Variants in MRPS21 observed in about 807,000 individuals in gnomAD.
MRPS21 encodes the protein mitochondrial ribosomal protein S21, also known as small ribosomal subunit protein bS21m.
MRPS21 carries 8 observed loss-of-function variants against 9.9 expected under a neutral mutation model. The observed-to-expected ratio is 0.81, with a 90% CI of 0.47 to 1.45. The LOEUF is 1.45. Among genes scored for constraint, MRPS21 ranks in the 40% most tolerant of loss-of-function variants. MRPS21 has a pLI of 0.00. For missense variants in MRPS21, 101 were observed against 118.9 expected, an observed-to-expected ratio of 0.85 and a Z score of 0.70; for synonymous variants, 40 against 40.3, an observed-to-expected ratio of 0.99 and a Z score of 0.03.
In MRPS21 at chr1:150,294,423, G is replaced by A. The variant is rs782530845; in HGVS notation, c.57G>A (p.Val19=). ...ARTVMVQEGN[V]ESAYRTLNRI... ...CTGTGATGGTACAGGAAGGGAACGTGGAAAGCGCATACAGGACCCTAAACA... is the reference window on the plus strand; with the variant it reads ...CTGTGATGGTACAGGAAGGGAACGTAGAAAGCGCATACAGGACCCTAAACA... Residue 19 remains valine, a synonymous_variant, in exon 2 of 3, where the codon GTG becomes GTA. Coordinates refer to ENST00000614145, the MANE Select transcript of MRPS21 (RefSeq NM_031901.6). 3.1e-6 allele frequency: 5 copies of A among 1,613,616 alleles called. No homozygotes were observed. The African/African-American group carries it at 4.0e-5, about 13-fold the overall frequency.
intron 2 of MRPS21, among the ~76,000 whole-genome samples, chr1:150,296,046 G>C (rs782457387): frequency 2.7e-4 from 41 of 151,652 alleles, no homozygotes; most frequent in Non-Finnish European, 5.9e-5. Context: ...CCGCCTCCTG[G>C]GTTCAATTGA....
chr1:150,303,821 A>G (rs1365594675), intron 2 of MRPS21: 2 of 450,490 alleles, frequency 4.4e-6, no homozygotes, highest in African/African-American at 2.0e-5. Flanking sequence ...AACTGTATAT[A>G]TTGTAAGGTC....
In MRPS21 at chr1:150,308,438, C is replaced by G; in HGVS notation, c.*210C>G. 2.1e-6 allele frequency: 1 copy of G among 476,240 alleles called. No individual in the cohort carries two copies. Among genetic ancestry groups the G allele is most frequent in the South Asian group, 4.1e-5 (1 of 24,344 alleles). The allele number at this position is 476,240 out of a possible 1,614,324, so 29.5% of individuals were successfully genotyped here. A position where few individuals can be genotyped will look rare whatever the true frequency, so the allele number is the denominator to read the frequency against. On this transcript the variant is annotated 3_prime_UTR_variant, in exon 3 of 3. Coordinates refer to ENST00000614145, the MANE Select transcript of MRPS21 (RefSeq NM_031901.6). ...AAAGAAGAAACTGAGTCTGAAAGTA[C>G]TCTAGGAGTAGAATGGTATTTGCCA...
chr1:150,308,508 C>A lies in MRPS21; in HGVS notation c.*280C>A. On this transcript the variant is annotated 3_prime_UTR_variant, in exon 3 of 3. Coordinates refer to ENST00000614145, the MANE Select transcript of MRPS21 (RefSeq NM_031901.6). ...GTGAGGAGTTATTGTTTAATGGGTA[C>A]AGAGTTTCAGTTTGGGCAGATGAAA... 3.9e-6 allele frequency: 1 copy of A among 253,334 alleles called. No individual in the cohort carries two copies. The highest frequency in any genetic ancestry group is 7.6e-6 in the Non-Finnish European group (1 of 130,846). 15.7% of individuals were successfully genotyped at this position (253,334 alleles called of 1,614,324 possible). A position where few individuals can be genotyped will look rare whatever the true frequency, so the allele number is the denominator to read the frequency against.
chr1:150,296,100 C>T (rs181240438), intron 2 of MRPS21, among the ~76,000 whole-genome samples: 1 of 152,138 alleles, frequency 6.6e-6, no homozygotes, highest in Non-Finnish European at 1.5e-5. Context: ...TACAGGTGCC[C>T]ACCACCACGC....
At chr1:150,300,036 T>C (rs916058638) in intron 2 of MRPS21, among the ~76,000 whole-genome samples, 7 of 152,132 alleles carry the variant, frequency 4.6e-5, no homozygotes, top group Admixed American at 2.0e-4. Flanking sequence ...GATTGAAAAT[T>C]ATTATAATAG....
intron 2 of MRPS21, among the ~76,000 whole-genome samples, chr1:150,297,161 C>G (rs1301684847): frequency 2.0e-5 from 3 of 151,968 alleles, no homozygotes; most frequent in African/African-American, 4.8e-5. Context: ...CGTGGTGGCA[C>G]ACACCTGTAG....
At chr1:150,294,000 CCCCAACT>C in intron 1 of MRPS21, 102 bp downstream of exon 1, 2 of 252,372 alleles carry the variant, frequency 7.9e-6, no homozygotes, top group South Asian at 9.0e-5. Flanking sequence ...AAGAGTCCTT[CCCCAACT>C]CCCAACTCAA....
At chr1:150,303,079 G>T (rs1553857927) in intron 2 of MRPS21, among the ~76,000 whole-genome samples, 1 of 152,062 alleles carries the variant, frequency 6.6e-6, no homozygotes, top group Non-Finnish European at 1.5e-5. Flanking sequence ...TTGGTAAGAT[G>T]ATCACCTTTG....
intron 2 of MRPS21, 40 bp downstream of exon 2, chr1:150,294,489 G>C: frequency 1.3e-6 from 2 of 1,529,504 alleles, no homozygotes; most frequent in South Asian, 1.1e-5. Context: ...AGACTCTCTG[G>C]GAAGTGCGGT....
intron 2 of MRPS21, among the ~76,000 whole-genome samples, chr1:150,294,978 C>CTTTTAA (rs1560060871): frequency 6.7e-6 from 1 of 150,354 alleles, no homozygotes; most frequent in South Asian, 2.1e-4. Flanking sequence ...CACCTCCCCG[C>CTTTTAA]TTTTAATTTT....
chr1:150,294,108 T>C, intron 1 of MRPS21: 1 of 402,798 alleles, frequency 2.5e-6, no homozygotes, highest in Non-Finnish European at 4.7e-6. Context: ...GTCTTTGTGG[T>C]AACGCCCTGC....
At chr1:150,295,617 T>C (rs918573046) in intron 2 of MRPS21, among the ~76,000 whole-genome samples, 6 of 152,088 alleles carry the variant, frequency 3.9e-5, no homozygotes, top group Non-Finnish European at 8.8e-5. Context: ...TGAATTCAGA[T>C]TGGCATCCTA....
chr1:150,293,905 A>G lies in MRPS21; in HGVS notation c.-33+7A>G. 1 of 174,086 alleles carries G rather than the reference A, an allele frequency of 5.7e-6. No individual in the cohort carries two copies. The allele number at this position is 174,086 out of a possible 1,614,324, so 10.8% of individuals were successfully genotyped here. A position where few individuals can be genotyped will look rare whatever the true frequency, so the allele number is the denominator to read the frequency against. On this transcript the variant is annotated splice_region_variant and intron_variant, in intron 1 of 2. Transcript: ENST00000614145. ...TAGGTACTGAGCGCGCGAGGTGAGG[A>G]GTTGTGCAGGGTTTGGGGAAAGGAA... is the stretch of plus-strand genomic sequence containing the variant.
intron 2 of MRPS21, among the ~76,000 whole-genome samples, chr1:150,300,922 G>A (rs1654093117): frequency 6.6e-6 from 1 of 152,088 alleles, no homozygotes; most frequent in Non-Finnish European, 1.5e-5. Context: ...ATTTGGCCAG[G>A]CGCGGTGGCT....
chr1:150,298,335 T>TC (rs1346113615), intron 2 of MRPS21, among the ~76,000 whole-genome samples: 2 of 152,206 alleles, frequency 1.3e-5, no homozygotes, highest in African/African-American at 4.8e-5. Context: ...GTAACTTCAC[T>TC]CTTTTTTTCT....
rs1223232169 is a variant in MRPS21 at position 150,308,270 on chromosome 1, TTTC to T, written c.*44_*46del. 6.4e-7 allele frequency: 1 copy of T among 1,552,816 alleles called. No homozygotes were observed. The highest frequency in any genetic ancestry group is 2.3e-5 in the East Asian group (1 of 43,760). ...ACCCAGTGCGAAACCCTCATCCAGT[TTTC>T]TCTCCATCTCTTTTCTTTGTACAAT... On this transcript the variant is annotated 3_prime_UTR_variant, in exon 3 of 3. Transcript: ENST00000614145.
rs934108065 is a variant in MRPS21 at position 150,308,570 on chromosome 1, G to A, written c.*342G>A. 1.8e-5 allele frequency: 3 copies of A among 171,382 alleles called. No individual in the cohort carries two copies. Among genetic ancestry groups the A allele is most frequent in the Admixed American group, 5.9e-5 (1 of 17,086 alleles). The allele number at this position is 171,382 out of a possible 1,614,324, so 10.6% of individuals were successfully genotyped here. A position where few individuals can be genotyped will look rare whatever the true frequency, so the allele number is the denominator to read the frequency against. ...ACGATGGCCTGGCATGGTGGCTCAC[G>A]CCTGTTATCCCAACACTTTGGGAGG... is the stretch of plus-strand genomic sequence containing the variant. On this transcript the variant is annotated 3_prime_UTR_variant, in exon 3 of 3. Transcript: ENST00000614145.
At chr1:150,295,240 C>T (rs1003330050) in intron 2 of MRPS21, among the ~76,000 whole-genome samples, 2 of 152,042 alleles carry the variant, frequency 1.3e-5, no homozygotes, top group Non-Finnish European at 2.9e-5. Context: ...AAGTGATCTG[C>T]CTGCCTCTGC....
Sources: allele counts gnomAD v4.1 joint callset (sites outside exome capture counted in the v4.1 genomes callset), GRCh38; gene constraint gnomAD v4.1.1; transcripts MANE v1.5; gene names NCBI Gene and HGNC (gene_info 2026-07-23, HGNC 2026-07-21).